ATP6V1G3: variants seen among roughly 807,000 people sequenced by gnomAD.
ATP6V1G3 encodes ATPase H+ transporting V1 subunit G3.
In ATP6V1G3, 9 loss-of-function variants were observed where a neutral mutation model predicts 9.3. The observed-to-expected ratio is 0.97, with a 90% CI of 0.59 to 1.69. The LOEUF (loss-of-function observed/expected upper bound fraction) is 1.69. Ranked by LOEUF, ATP6V1G3 falls within the 40% of genes most tolerant of loss-of-function variation. The pLI is 0.00. For synonymous variants in ATP6V1G3, 43 were observed against 43.8 expected (o/e 0.98, Z 0.07); for missense variants, 133 against 139.0 (o/e 0.96, Z 0.22).
At chr1:198,536,159 G>A (rs982418458) in intron 1 of ATP6V1G3, among the ~76,000 whole-genome samples, 2 of 152,128 alleles carry the variant, frequency 1.3e-5, no homozygotes, top group Non-Finnish European at 2.9e-5. Flanking sequence ...GGGAATATGA[G>A]TTCTTTATGT....
At position 198,523,453 on chromosome 1, in the gene ATP6V1G3, G is replaced by T. The variant is rs763283835; in HGVS notation, c.295C>A (p.Leu99Ile). Residue 99 changes from leucine (L) to isoleucine (I), a missense_variant, in exon 3 of 3, where the codon CTC becomes ATC. By Grantham distance (5) the Leu-to-Ile change is conservative. Transcript: ENST00000367382. The part of the protein sequence containing the change: ...NKYMESVMNQ[L>I]LSMVCDMKPE... ...TTCATGTCACAGACCATGCTCAAGAGCTGGTTCATCACACTTTCCATATAC... is the reference window on the plus strand; with the variant it reads ...TTCATGTCACAGACCATGCTCAAGATCTGGTTCATCACACTTTCCATATAC... The T allele has an allele frequency of 1.2e-5, 20 of 1,613,388 alleles. No homozygotes were observed. In the African/African-American group the frequency reaches 2.7e-4, roughly 22 times the overall value.
In ATP6V1G3 at chr1:198,523,330, G is replaced by T; in HGVS notation, c.*61C>A. On this transcript the variant is annotated 3_prime_UTR_variant, in exon 3 of 3. Transcript: ENST00000367382. ...AAATTTCTCAACATAAAAATACGAA[G>T]CCATAAGCAACCAGGTGGCACTCAC... The T allele has an allele frequency of 6.7e-7, 1 of 1,500,038 alleles. No individual in the cohort carries two copies. The highest frequency in any genetic ancestry group is 9.0e-7 in the Non-Finnish European group (1 of 1,106,194). 92.9% of individuals were successfully genotyped at this position (1,500,038 alleles called of 1,614,324 possible). A position where few individuals can be genotyped will look rare whatever the true frequency, so the allele number is the denominator to read the frequency against.
At chr1:198,529,818 G>A (rs562087178) in intron 1 of ATP6V1G3, among the ~76,000 whole-genome samples, 18 of 151,970 alleles carry the variant, frequency 1.2e-4, no homozygotes, top group African/African-American at 4.1e-4. Flanking sequence ...TTGCTTGAAA[G>A]TGGCTATAAA....
rs1659516301 is a variant in ATP6V1G3, at chr1:198,523,326, C to CGAAGCCATAAGCAA, written c.*51_*64dup. 6.8e-7 allele frequency: 1 copy of CGAAGCCATAAGCAA among 1,470,818 alleles called. No homozygotes were observed. Among genetic ancestry groups the CGAAGCCATAAGCAA allele is most frequent in the African/African-American group, 1.4e-5 (1 of 70,248 alleles). The allele number at this position is 1,470,818 out of a possible 1,614,324, so 91.1% of individuals were successfully genotyped here. On this transcript the variant is annotated 3_prime_UTR_variant, in exon 3 of 3. Coordinates refer to ENST00000367382, the MANE Select transcript of ATP6V1G3 (RefSeq NM_001376861.1). ...TTTCAAATTTCTCAACATAAAAATA[C>CGAAGCCATAAGCAA]GAAGCCATAAGCAACCAGGTGGCAC...
rs1055306745 is a variant in ATP6V1G3, at chr1:198,529,146, C to T, written c.118G>A (p.Ala40Thr). 2.1e-6 allele frequency: 3 copies of T among 1,454,606 alleles called. No homozygotes were observed. Among genetic ancestry groups the T allele is most frequent in the Non-Finnish European group, 2.7e-6 (3 of 1,094,046 alleles). The allele number at this position is 1,454,606 out of a possible 1,614,324, so 90.1% of individuals were successfully genotyped here. A position where few individuals can be genotyped will look rare whatever the true frequency, so the allele number is the denominator to read the frequency against. The change falls in exon 2 of 3, where the codon GCA becomes ACA. Residue 40 changes from alanine to threonine, a missense_variant. Transcript: ENST00000367382. ...GKRLKQAKEE[A>T]MVEIDQYRMQ... is the part of the protein sequence containing the mutation. ...CTGTACTGGTCAATTTCTACCATTG[C>T]TTCCTCCTTGGCTTGCTTCAATCGC...
chr1:198,539,933 A>G (rs1298007169), intron 1 of ATP6V1G3, among the ~76,000 whole-genome samples: 1 of 152,178 alleles, frequency 6.6e-6, no homozygotes, highest in Non-Finnish European at 1.5e-5. Flanking sequence ...CCAAATGAAA[A>G]GAGAGCTGAG....
intron 1 of ATP6V1G3, among the ~76,000 whole-genome samples, chr1:198,538,733 G>C (rs565914745): frequency 2.8e-5 from 4 of 143,688 alleles, no homozygotes; most frequent in African/African-American, 8.0e-5. Flanking sequence ...GCGAAACCCC[G>C]TCTCTACAAA....
chr1:198,536,772 A>G, intron 1 of ATP6V1G3: 1 of 1,392,678 alleles, frequency 7.2e-7, no homozygotes, highest in Non-Finnish European at 1.0e-6. Context: ...TCTAGTCTAT[A>G]TCATTCTTCT....
At chr1:198,527,021 G>A (rs1331669060) in intron 2 of ATP6V1G3, among the ~76,000 whole-genome samples, 5 of 152,124 alleles carry the variant, frequency 3.3e-5, no homozygotes, top group African/African-American at 1.2e-4. Flanking sequence ...ACCTGCTTCC[G>A]TTGATAAGTC....
chr1:198,540,576 G>C lies in ATP6V1G3; in HGVS notation c.75C>G (p.Ala25=). 1.2e-6 allele frequency: 2 copies of C among 1,613,758 alleles called. No individual in the cohort carries two copies. The highest frequency in any genetic ancestry group is 1.7e-6 in the Non-Finnish European group (2 of 1,179,716). ...CTCACAGGTGAGACTTACTCTTCTT[G>C]GCTTCCTCTAGCTTGTCCTTGGCCC... ...EKRAKDKLEE[A]KKRKGKRLKQ... is the part of the protein sequence containing the mutation. The change falls in exon 1 of 3, where the codon GCC becomes GCG. Residue 25 remains alanine (A), a synonymous_variant. Coordinates refer to ENST00000367382, the MANE Select transcript of ATP6V1G3 (RefSeq NM_001376861.1).
chr1:198,523,859 A>AT (rs1391562064), intron 2 of ATP6V1G3, among the ~76,000 whole-genome samples: 1 of 151,962 alleles, frequency 6.6e-6, no homozygotes, highest in Non-Finnish European at 1.5e-5. Flanking sequence ...TTTCCATCAC[A>AT]TTTTTCATGT....
rs373414043 is a variant in ATP6V1G3 at position 198,523,441 on chromosome 1, C to T, written c.307G>A (p.Val103Ile). The change falls in exon 3 of 3, where the codon GTC (valine) becomes ATC (isoleucine). Residue 103 changes from valine (V) to isoleucine (I), a missense_variant. Physicochemically the swap from Val to Ile is conservative, Grantham distance 29. Transcript: ENST00000367382. ...ESVMNQLLSM[V>I]CDMKPEIHVN... is the part of the protein sequence containing the mutation. ...TGGATTTCTGGTTTCATGTCACAGA[C>T]CATGCTCAAGAGCTGGTTCATCACA... 36 of 1,613,322 alleles carry T rather than the reference C, an allele frequency of 2.2e-5. No individual in the cohort carries two copies. Among genetic ancestry groups the T allele is most frequent in the Non-Finnish European group, 2.1e-5 (25 of 1,179,728 alleles).
chr1:198,533,967 A>G (rs1449588375), intron 1 of ATP6V1G3, among the ~76,000 whole-genome samples: 2 of 152,216 alleles, frequency 1.3e-5, no homozygotes. Context: ...AGAAGTGTTC[A>G]ATAGAAAATG....
chr1:198,529,162 C>T lies in ATP6V1G3; in HGVS notation c.102G>A (p.Lys34=), dbSNP rs1326889691. The change falls in exon 2 of 3, where the codon AAG becomes AAA. Residue 34 remains lysine, a synonymous_variant. Coordinates refer to ENST00000367382, the MANE Select transcript of ATP6V1G3 (RefSeq NM_001376861.1). Reference sequence around the variant, plus strand: ...CTACCATTGCTTCCTCCTTGGCTTGCTTCAATCGCTTTCCTTTTCCTGAAA... The same window carrying T: ...CTACCATTGCTTCCTCCTTGGCTTGTTTCAATCGCTTTCCTTTTCCTGAAA... ...EAKKRKGKRL[K]QAKEEAMVEI... is the part of the protein sequence containing the mutation. 6 of 1,391,360 alleles carry T rather than the reference C, an allele frequency of 4.3e-6. No individual in the cohort carries two copies. In the African/African-American group the frequency reaches 6.0e-5, roughly 14 times the overall value. The allele number at this position is 1,391,360 out of a possible 1,614,324, so 86.2% of individuals were successfully genotyped here.
chr1:198,526,440 T>C (rs1659655505), intron 2 of ATP6V1G3, among the ~76,000 whole-genome samples: 1 of 152,202 alleles, frequency 6.6e-6, no homozygotes, highest in Non-Finnish European at 1.5e-5. Context: ...GATGGAAACC[T>C]GTTACCTGAA....
chr1:198,540,445 T>A, intron 1 of ATP6V1G3, 124 bp downstream of exon 1: 1 of 878,984 alleles, frequency 1.1e-6, no homozygotes, highest in South Asian at 1.4e-5. Context: ...TGGGTGAAGG[T>A]CTCACAGGGA....
chr1:198,533,160 TG>T (rs1659972041), intron 1 of ATP6V1G3, among the ~76,000 whole-genome samples: 1 of 151,696 alleles, frequency 6.6e-6, no homozygotes, highest in East Asian at 1.9e-4. Context: ...AAAAATTAGG[TG>T]GACATGGTGG....
At chr1:198,523,887 T>A (rs1188698627) in intron 2 of ATP6V1G3, among the ~76,000 whole-genome samples, 1 of 152,174 alleles carries the variant, frequency 6.6e-6, no homozygotes, top group Non-Finnish European at 1.5e-5. Flanking sequence ...ACAGTTTCCA[T>A]TTAGTTCCCA....
intron 2 of ATP6V1G3, among the ~76,000 whole-genome samples, chr1:198,526,304 G>T (rs886888789): frequency 5.3e-5 from 8 of 152,106 alleles, no homozygotes; most frequent in Admixed American, 2.0e-4. Flanking sequence ...GTTCCTTGAT[G>T]TATTATAAAT....
Sources: gnomAD v4.1 joint callset for allele counts (sites outside exome capture counted in the v4.1 genomes callset) on GRCh38, gnomAD v4.1.1 for gene constraint, MANE v1.5 for transcripts, NCBI Gene and HGNC (gene_info 2026-07-23, HGNC 2026-07-21) for gene names.